STARD13: variants seen among roughly 807,000 people sequenced by gnomAD.
STARD13 encodes the protein StAR related lipid transfer domain containing 13.
STARD13 carries 62 observed loss-of-function variants against 106.4 expected under a neutral mutation model. The ratio of observed to expected loss-of-function variants is 0.58; its 90% CI spans 0.48 to 0.72. STARD13 has a LOEUF of 0.72. Ranked by LOEUF, STARD13 falls within the 30% of genes least tolerant of loss-of-function variation. The probability of loss-of-function intolerance (pLI) is 0.00; values close to 1 mark genes in which losing one functional copy is unlikely to be tolerated. For synonymous variants in STARD13, 565 were observed against 553.0 expected, an observed-to-expected ratio of 1.02 and a Z score of -0.31; for missense variants, 1,387 against 1,424.0, an observed-to-expected ratio of 0.97 and a Z score of 0.42.
intron 1 of STARD13, among the ~76,000 whole-genome samples, chr13:33,200,743 C>T (rs777557666): frequency 1.3e-5 from 2 of 152,216 alleles, no homozygotes; most frequent in Non-Finnish European, 2.9e-5. Flanking sequence ...CTTAAAGGGC[C>T]GGGCATGGTG....
intron 8 of STARD13, among the ~76,000 whole-genome samples, chr13:33,113,931 CA>C (rs746685091): frequency 6.6e-6 from 1 of 152,168 alleles, no homozygotes; most frequent in Non-Finnish European, 1.5e-5. Context: ...TTGCTTCTGT[CA>C]ACACTGTTGT....
chr13:33,115,377 T>G (rs1875210670), intron 8 of STARD13, among the ~76,000 whole-genome samples: 2 of 152,174 alleles, frequency 1.3e-5, no homozygotes, highest in Admixed American at 6.5e-5. Flanking sequence ...TTTGGAACCT[T>G]GATTAGTATG....
At chr13:33,546,906 A>G in the STARD13 span, among the ~76,000 whole-genome samples, 2 of 152,174 alleles carry the variant, frequency 1.3e-5, no homozygotes, top group Non-Finnish European at 2.9e-5. Context: ...TTGATGAGAG[A>G]TACTTTTTTT....
intron 1 of STARD13, among the ~76,000 whole-genome samples, chr13:33,262,779 A>T (rs1353422361): frequency 6.6e-6 from 1 of 151,764 alleles, no homozygotes; most frequent in African/African-American, 2.4e-5. Flanking sequence ...CGAAATCTTC[A>T]CTCTGCTCAT....
intron 1 of STARD13, among the ~76,000 whole-genome samples, chr13:33,306,413 A>G (rs1319543943): frequency 1.3e-5 from 2 of 152,248 alleles, no homozygotes; most frequent in African/African-American, 4.8e-5. Context: ...AGACATAGCC[A>G]TGGGCAAAGA....
At chr13:33,166,367 G>T (rs889429228) in intron 2 of STARD13, among the ~76,000 whole-genome samples, 4 of 152,004 alleles carry the variant, frequency 2.6e-5, no homozygotes, top group Admixed American at 1.3e-4. Flanking sequence ...CCTTCCTAGG[G>T]TCTGGTTTGA....
At chr13:33,304,619 T>C (rs1249181044) in intron 1 of STARD13, among the ~76,000 whole-genome samples, 2 of 152,214 alleles carry the variant, frequency 1.3e-5, no homozygotes, top group African/African-American at 4.8e-5. Context: ...TATAAGTTAA[T>C]GTCCTCCCTG....
At chr13:33,258,963 G>C (rs997762140) in intron 1 of STARD13, among the ~76,000 whole-genome samples, 1 of 152,186 alleles carries the variant, frequency 6.6e-6, no homozygotes, top group Non-Finnish European at 1.5e-5. Context: ...TCTTTGCTGG[G>C]CTGTCTCTTT....
intron 1 of STARD13, among the ~76,000 whole-genome samples, chr13:33,326,341 A>G (rs759121793): frequency 2.0e-5 from 3 of 152,234 alleles, no homozygotes; most frequent in Non-Finnish European, 4.4e-5. Flanking sequence ...TTTGTGCACT[A>G]GAGTTTTACA....
chr13:33,255,090 C>G (rs984389294), intron 1 of STARD13, among the ~76,000 whole-genome samples: 1 of 138,074 alleles, frequency 7.2e-6, no homozygotes, highest in African/African-American at 2.7e-5. Flanking sequence ...ACCTGTCCAT[C>G]TGTGTGCTCC....
At chr13:33,451,557 G>T in the STARD13 span, among the ~76,000 whole-genome samples, 1 of 152,124 alleles carries the variant, frequency 6.6e-6, no homozygotes, top group Non-Finnish European at 1.5e-5. Flanking sequence ...ACAGGGGTTT[G>T]GATCATGAGA....
chr13:33,441,625 C>A, the STARD13 span, among the ~76,000 whole-genome samples: 2 of 152,076 alleles, frequency 1.3e-5, no homozygotes, highest in Admixed American at 1.3e-4. Flanking sequence ...GAAGGAAATT[C>A]GGAAAAACAG....
intron 1 of STARD13, chr13:33,273,965 T>C (rs960975382): frequency 2.0e-5 from 3 of 152,314 alleles, no homozygotes; most frequent in African/African-American, 7.2e-5. Flanking sequence ...CAGTATCCTA[T>C]GCTGAAAACA....
At chr13:33,377,926 C>T in the STARD13 span, among the ~76,000 whole-genome samples, 35 of 152,096 alleles carry the variant, frequency 2.3e-4, no homozygotes, top group African/African-American at 8.5e-4. Flanking sequence ...TGAACAAGGT[C>T]CTGTTATTAA....
At chr13:33,660,628 G>A in the STARD13 span, among the ~76,000 whole-genome samples, 1 of 152,180 alleles carries the variant, frequency 6.6e-6, no homozygotes, top group African/African-American at 2.4e-5. Context: ...CTGTTGCCCA[G>A]GCTGGAGTGA....
chr13:33,662,973 T>A, the STARD13 span, among the ~76,000 whole-genome samples: 28 of 152,370 alleles, frequency 1.8e-4, no homozygotes, highest in East Asian at 4.6e-3. Context: ...ATATATCAAA[T>A]TCAGTGTTGG....
chr13:33,129,511 G>T lies in STARD13; in HGVS notation c.1166C>A (p.Ser389Tyr), dbSNP rs1286263501. The part of the protein sequence containing the change: ...GDQSRMHEFH[S>Y]QENLVVHIPK... ...AATATGCACCACCAAATTCTCTTGG[G>T]AGTGAAATTCATGCATACGGCTTTG... Residue 389 changes from serine to tyrosine, a missense_variant, in exon 5 of 14, where the codon TCC (serine) becomes TAC (tyrosine). Ser to Tyr is a moderately radical substitution (Grantham distance 144). Transcript: ENST00000336934. 2.5e-6 allele frequency: 4 copies of T among 1,614,078 alleles called. No homozygotes were observed. Among genetic ancestry groups the T allele is most frequent in the African/African-American group, 1.3e-5 (1 of 74,928 alleles).
At chr13:33,673,034 C>T in the STARD13 span, among the ~76,000 whole-genome samples, 1 of 152,020 alleles carries the variant, frequency 6.6e-6, no homozygotes, top group African/African-American at 2.4e-5. Flanking sequence ...GTTCAAAGAC[C>T]CCAGTGGGGG....
At chr13:33,335,635 C>T (rs1324093516) in intron 1 of STARD13, among the ~76,000 whole-genome samples, 1 of 152,264 alleles carries the variant, frequency 6.6e-6, no homozygotes, top group Non-Finnish European at 1.5e-5. Flanking sequence ...TAAGCATAGT[C>T]AACACGTACC....
Sources: gnomAD v4.1 joint callset for allele counts (sites outside exome capture counted in the v4.1 genomes callset) on GRCh38, gnomAD v4.1.1 for gene constraint, MANE v1.5 for transcripts, NCBI Gene and HGNC (gene_info 2026-07-23, HGNC 2026-07-21) for gene names.